Variants in GALR1 observed in about 807,000 individuals in gnomAD.
GALR1 encodes the protein galanin receptor 1.
GALR1 carries 11 observed loss-of-function variants against 17.9 expected under a neutral mutation model. The observed-to-expected ratio is 0.62, with a 90% CI of 0.39 to 1.02. GALR1 has a LOEUF of 1.02. GALR1 is among the 50% of genes least tolerant of loss of function. The probability of loss-of-function intolerance (pLI) is 0.01; values close to 1 mark genes in which losing one functional copy is unlikely to be tolerated. For synonymous variants in GALR1, 206 were observed against 205.7 expected, an observed-to-expected ratio of 1.00 and a Z score of -0.01; for missense variants, 441 against 456.9, an observed-to-expected ratio of 0.97 and a Z score of 0.32.
intron 2 of GALR1, among the ~76,000 whole-genome samples, chr18:77,264,543 G>A (rs1419021196): frequency 6.6e-6 from 1 of 152,110 alleles, no homozygotes; most frequent in Admixed American, 6.5e-5. Context: ...CCAGGGGAGG[G>A]GGTCTGCTTT....
Position 77,256,217 on chromosome 18 carries a change from GA to G in GALR1, c.731del (p.Lys244ArgfsTer34), listed in dbSNP as rs1912584210. 7 of 1,557,046 alleles carry G rather than the reference GA, an allele frequency of 4.5e-6. No individual in the cohort carries two copies. Among genetic ancestry groups the G allele is most frequent in the African/African-American group, 1.4e-5 (1 of 73,770 alleles). On this transcript the variant is annotated frameshift_variant, in exon 2 of 3. Transcript: ENST00000299727. LOFTEE classifies it low-confidence loss of function (END_TRUNC). Reference sequence around the variant, plus strand: ...TGTCAAAGAAGTCTGAAGCATCCAAGAAAAAGGTAATGATCACAAATATATA... The same window carrying G: ...TGTCAAAGAAGTCTGAAGCATCCAAGAAAAGGTAATGATCACAAATATATA... ...NMSKKSEASK[K>X]KTAQTVLVVV...
Position 77,265,557 on chromosome 18 carries a change from G to A in GALR1, c.733-3028G>A, listed in dbSNP as rs147283641. On this transcript the variant is annotated intron_variant, in intron 2 of 2. Transcript: ENST00000299727. ...GGTAATGCCCCAGTGGGGAGTCTGT[G>A]TGGGAGCTCTGACCCCACATTTCCA... 2.6e-3 allele frequency among the ~76,000 whole-genome samples: 394 copies of A among 152,322 alleles called. 3 individuals are homozygous for A. The highest frequency in any genetic ancestry group is 8.6e-3 in the African/African-American group (356 of 41,566).
In GALR1 at chr18:77,268,567, C is replaced by T. The variant is rs768530888; in HGVS notation, c.733-18C>T. 4.4e-6 allele frequency: 7 copies of T among 1,591,102 alleles called. No individual in the cohort carries two copies. In the African/African-American group the frequency reaches 8.1e-5, roughly 18 times the overall value. ...GCCTCCTCCTCCTCCTCCTCCTCCT[C>T]CTCTTCTTCTTTTCTAGACTGCACA... On this transcript the variant is annotated intron_variant, in intron 2 of 2. Coordinates refer to ENST00000299727, the MANE Select transcript of GALR1 (RefSeq NM_001480.4).
chr18:77,252,872 CCACCACCATCACCACCACCACCAT>C (rs1912456709), intron 1 of GALR1, among the ~76,000 whole-genome samples: 36 of 76,394 alleles, frequency 4.7e-4, no homozygotes, highest in Admixed American at 2.5e-3. Context: ...ACCACCACCA[CCACCACCATCACCACCACCACCAT>C]CACCACCACC....
At position 77,277,209 on chromosome 18, in the gene GALR1, T is replaced by C. The variant is rs1179880198; in HGVS notation, c.*8307T>C. On this transcript the variant is annotated 3_prime_UTR_variant, in exon 3 of 3. Transcript: ENST00000299727. Reference sequence around the variant, plus strand: ...TGAGTAAGGAAAAAAAATCTATGTGTACTGTATTTTTAAATTTTAATAAGG... The same window carrying C: ...TGAGTAAGGAAAAAAAATCTATGTGCACTGTATTTTTAAATTTTAATAAGG... The C allele has an allele frequency of 6.6e-6, 1 of 152,212 alleles. No homozygotes were observed. The highest frequency in any genetic ancestry group is 1.5e-5 in the Non-Finnish European group (1 of 68,026). 9.4% of individuals were successfully genotyped at this position (152,212 alleles called of 1,614,324 possible). A position where few individuals can be genotyped will look rare whatever the true frequency, so the allele number is the denominator to read the frequency against.
intron 1 of GALR1, among the ~76,000 whole-genome samples, chr18:77,254,929 G>T (rs896669137): frequency 9.9e-5 from 15 of 152,158 alleles, no homozygotes; most frequent in African/African-American, 2.9e-4. Flanking sequence ...ACGTCCCTGG[G>T]GTGGCTGCTT....
chr18:77,254,689 G>A (rs903999519), intron 1 of GALR1, among the ~76,000 whole-genome samples: 2 of 152,262 alleles, frequency 1.3e-5, no homozygotes, highest in South Asian at 2.1e-4. Context: ...CCTTTGAAAC[G>A]CTCTCATTTG....
rs1347604815 is a variant in GALR1, at chr18:77,270,342, C to T, written c.*1440C>T. On this transcript the variant is annotated 3_prime_UTR_variant, in exon 3 of 3. Transcript: ENST00000299727. ...CCAGTGTGGGCAACATGGCAAAACT[C>T]GGTCTCTACTAAAAATACAAAAATT... 2.6e-5 allele frequency: 4 copies of T among 152,134 alleles called. No individual in the cohort carries two copies. The highest frequency in any genetic ancestry group is 4.1e-4 in the South Asian group (2 of 4,824). The allele number at this position is 152,134 out of a possible 1,614,324, so 9.4% of individuals were successfully genotyped here. A position where few individuals can be genotyped will look rare whatever the true frequency, so the allele number is the denominator to read the frequency against.
Position 77,250,739 on chromosome 18 carries a change from G to T in GALR1, c.191G>T (p.Gly64Val). 1 of 1,613,808 alleles carries T rather than the reference G, an allele frequency of 6.2e-7. No individual in the cohort carries two copies. Among genetic ancestry groups the T allele is most frequent in the Non-Finnish European group, 8.5e-7 (1 of 1,179,992 alleles). The stretch of plus-strand genomic sequence containing the variant: ...ACCGTGCTGGCGCGCAGCAAGCCGG[G>T]CAAGCCGCGGAGCACCACCAACCTG... ...VITVLARSKP[G>V]KPRSTTNLFI... Residue 64 changes from glycine to valine, a missense_variant, in exon 1 of 3, where the codon GGC (glycine) becomes GTC (valine). By Grantham distance (109) the Gly-to-Val change is moderately radical. Coordinates refer to ENST00000299727, the MANE Select transcript of GALR1 (RefSeq NM_001480.4).
rs1396191913 is a variant in GALR1 at position 77,277,362 on chromosome 18, G to C, written c.*8460G>C. 6.6e-6 allele frequency: 1 copy of C among 152,096 alleles called. No individual in the cohort carries two copies. The highest frequency in any genetic ancestry group is 2.4e-5 in the African/African-American group (1 of 41,416). The allele number at this position is 152,096 out of a possible 1,614,324, so 9.4% of individuals were successfully genotyped here. A position where few individuals can be genotyped will look rare whatever the true frequency, so the allele number is the denominator to read the frequency against. On this transcript the variant is annotated 3_prime_UTR_variant, in exon 3 of 3. Coordinates refer to ENST00000299727, the MANE Select transcript of GALR1 (RefSeq NM_001480.4). ...CCGGTTTCTCTCATACTGTTCTTGC[G>C]ATAGTGAGTTCTCAGGAGATCTGAT...
intron 2 of GALR1, among the ~76,000 whole-genome samples, chr18:77,263,373 T>C (rs1365021564): frequency 6.6e-6 from 1 of 152,218 alleles, no homozygotes; most frequent in Non-Finnish European, 1.5e-5. Flanking sequence ...CTTAGATTTT[T>C]ATACCTGAGT....
At chr18:77,252,902 C>T (rs938702393) in intron 1 of GALR1, among the ~76,000 whole-genome samples, 25 of 47,232 alleles carry the variant, frequency 5.3e-4, no homozygotes, top group Non-Finnish European at 7.7e-4. Flanking sequence ...ACCATCACCA[C>T]CACCACCACC....
chr18:77,258,866 ATGGT>A, intron 2 of GALR1, among the ~76,000 whole-genome samples: 1 of 79,642 alleles, frequency 1.3e-5, no homozygotes, highest in African/African-American at 5.5e-5. Flanking sequence ...GGTGGTGGTG[ATGGT>A]GGTGATGATG....
rs116080508 is a variant in GALR1, at chr18:77,272,905, C to G, written c.*4003C>G. On this transcript the variant is annotated 3_prime_UTR_variant, in exon 3 of 3. Transcript: ENST00000299727. ...CTCTTTTAGAAGTGGAAAAGTTGAGCCTGAGGAAGAATTTAAAATGCTTAA... is the reference window on the plus strand; with the variant it reads ...CTCTTTTAGAAGTGGAAAAGTTGAGGCTGAGGAAGAATTTAAAATGCTTAA... 88 of 152,226 alleles carry G rather than the reference C, an allele frequency of 5.8e-4. No individual in the cohort carries two copies. The highest frequency in any genetic ancestry group is 2.0e-3 in the African/African-American group (83 of 41,544). 9.4% of individuals were successfully genotyped at this position (152,226 alleles called of 1,614,324 possible).
chr18:77,260,470 C>G (rs79419231), intron 2 of GALR1, among the ~76,000 whole-genome samples: 2 of 152,160 alleles, frequency 1.3e-5, no homozygotes, highest in Non-Finnish European at 2.9e-5. Flanking sequence ...GGGCTCCCCC[C>G]ACCTCATGAC....
chr18:77,250,737 G>A lies in GALR1; in HGVS notation c.189G>A (p.Pro63=), dbSNP rs762122328. ...LVITVLARSK[P]GKPRSTTNLF... The stretch of plus-strand genomic sequence containing the variant: ...TCACCGTGCTGGCGCGCAGCAAGCC[G>A]GGCAAGCCGCGGAGCACCACCAACC... Residue 63 remains proline, a synonymous_variant, in exon 1 of 3, where the codon CCG becomes CCA. Transcript: ENST00000299727. 4.3e-6 allele frequency: 7 copies of A among 1,613,838 alleles called. No homozygotes were observed. The highest frequency in any genetic ancestry group is 5.1e-6 in the Non-Finnish European group (6 of 1,179,998).
intron 2 of GALR1, among the ~76,000 whole-genome samples, chr18:77,258,443 GTGGTGGTGGTGATGATGGTGGTGGTAT>G: frequency 6.6e-6 from 1 of 151,622 alleles, no homozygotes; most frequent in East Asian, 1.9e-4. Flanking sequence ...AAATGTGGTG[GTGGTGGTGGTGATGATGGTGGTGGTAT>G]TGGTGGTGGT....
In GALR1 at chr18:77,259,454, T is replaced by C. The variant is rs1174364317; in HGVS notation, c.732+3231T>C. Among the ~76,000 whole-genome samples the C allele has an allele frequency of 8.0e-5, 10 of 124,864 alleles. No homozygotes were observed. The East Asian group carries it at 1.1e-3, about 13-fold the overall frequency. The allele number at this position is 124,864 out of a possible 152,430, so 81.9% of individuals were successfully genotyped here. ...ATGGTGGTGATGATGGTGATCATGG[T>C]GGTGATGGTGGTGATGGTGGCGATT... is the stretch of plus-strand genomic sequence containing the variant. On this transcript the variant is annotated intron_variant, in intron 2 of 2. Coordinates refer to ENST00000299727, the MANE Select transcript of GALR1 (RefSeq NM_001480.4).
At chr18:77,252,950 TCA>T (rs1912485570) in intron 1 of GALR1, among the ~76,000 whole-genome samples, 1 of 25,272 alleles carries the variant, frequency 4.0e-5, no homozygotes, top group Non-Finnish European at 8.4e-5. Context: ...ACCACCACCA[TCA>T]CCACCATCAC....
Sources: gnomAD v4.1 joint callset for allele counts (sites outside exome capture counted in the v4.1 genomes callset) on GRCh38, gnomAD v4.1.1 for gene constraint, MANE v1.5 for transcripts, NCBI Gene and HGNC (gene_info 2026-07-23, HGNC 2026-07-21) for gene names.